The following PTPDC1 variants were observed in gnomAD, a reference collection of about 807,000 sequenced individuals.
The protein encoded by PTPDC1 is protein tyrosine phosphatase domain-containing protein 1.
A neutral mutation model predicts 75.3 loss-of-function variants in PTPDC1; 53 were observed. That is an observed-to-expected ratio of 0.70 (90% CI 0.56 to 0.88). The LOEUF is 0.88. Among genes scored for constraint, PTPDC1 ranks in the 40% least tolerant of loss-of-function variants. The probability of loss-of-function intolerance (pLI) is 0.00; values close to 1 mark genes in which losing one functional copy is unlikely to be tolerated. For missense variants in PTPDC1, 925 were observed against 998.6 expected, an observed-to-expected ratio of 0.93 and a Z score of 0.99; for synonymous variants, 349 against 366.2, an observed-to-expected ratio of 0.95 and a Z score of 0.54.
intron 1 of PTPDC1, among the ~76,000 whole-genome samples, chr9:94,046,198 G>T (rs1436075110): frequency 1.3e-5 from 2 of 152,092 alleles, no homozygotes; most frequent in Non-Finnish European, 2.9e-5. Flanking sequence ...TGTTCCATTG[G>T]TCTATATCTC....
chr9:94,072,284 G>T (rs1023031303), intron 2 of PTPDC1, among the ~76,000 whole-genome samples: 1 of 152,172 alleles, frequency 6.6e-6, no homozygotes, highest in Non-Finnish European at 1.5e-5. Context: ...GGGATTATAG[G>T]CATGAGCCAC....
In PTPDC1 at chr9:94,098,332, C is replaced by G. The variant is rs377342002; in HGVS notation, c.1766C>G (p.Pro589Arg). The G allele has an allele frequency of 7.4e-6, 12 of 1,614,076 alleles. No individual in the cohort carries two copies. Among genetic ancestry groups the G allele is most frequent in the Non-Finnish European group, 1.0e-5 (12 of 1,180,042 alleles). ...TGTAAAACTCATGGTGTTGGGAGCC[C>G]TGGCTCTGTCAGGCAGAACAGCAGG... ...CQCKTHGVGS[P>R]GSVRQNSRTP... is the part of the protein sequence containing the mutation. The change falls in exon 6 of 9, where the codon CCT becomes CGT. Residue 589 changes from proline to arginine, a missense_variant. Pro to Arg is a moderately radical substitution (Grantham distance 103, BLOSUM62 -2). Coordinates refer to ENST00000620992, the MANE Select transcript of PTPDC1 (RefSeq NM_001253829.2).
chr9:94,087,407 T>A (rs1007192241), intron 2 of PTPDC1, among the ~76,000 whole-genome samples: 4 of 152,182 alleles, frequency 2.6e-5, no homozygotes, highest in Admixed American at 2.0e-4. Flanking sequence ...ATTGAAATTT[T>A]AAAAATTAAC....
upstream of PTPDC1, among the ~76,000 whole-genome samples, chr9:94,080,851 ACC>A (rs1826853444): frequency 6.6e-6 from 1 of 152,214 alleles, no homozygotes; most frequent in Non-Finnish European, 1.5e-5. Context: ...TAATATCTCA[ACC>A]ATAATTTCCT....
At chr9:94,099,533 A>G (rs893113492) in intron 6 of PTPDC1, among the ~76,000 whole-genome samples, 2 of 152,240 alleles carry the variant, frequency 1.3e-5, no homozygotes, top group Admixed American at 6.5e-5. Flanking sequence ...GGAGCTTCAC[A>G]TTAACTTTTA....
At chr9:94,093,719 A>G (rs1282037271) in intron 4 of PTPDC1, among the ~76,000 whole-genome samples, 3 of 144,912 alleles carry the variant, frequency 2.1e-5, no homozygotes, top group Non-Finnish European at 3.0e-5. Flanking sequence ...TTTCAGGTAC[A>G]CCAATCAGAC....
intron 2 of PTPDC1, among the ~76,000 whole-genome samples, chr9:94,074,111 G>A (rs954456036): frequency 2.6e-5 from 4 of 152,178 alleles, no homozygotes; most frequent in African/African-American, 9.7e-5. Context: ...GGTATGACAA[G>A]TGATTTTCAA....
intron 1 of PTPDC1, among the ~76,000 whole-genome samples, chr9:94,044,447 C>A (rs1825524626): frequency 6.6e-6 from 1 of 152,198 alleles, no homozygotes; most frequent in African/African-American, 2.4e-5. Flanking sequence ...TCCTGATGCT[C>A]TTCCTCCCCC....
chr9:94,094,559 A>G (rs959798177), intron 4 of PTPDC1, among the ~76,000 whole-genome samples: 3 of 152,116 alleles, frequency 2.0e-5, no homozygotes, highest in Non-Finnish European at 4.4e-5. Context: ...CCAGAGGTGG[A>G]GCCTATAGAG....
chr9:94,048,454 T>G (rs562809631), intron 1 of PTPDC1, among the ~76,000 whole-genome samples: 1 of 152,164 alleles, frequency 6.6e-6, no homozygotes, highest in Non-Finnish European at 1.5e-5. Context: ...GCCTTCATTT[T>G]GTTATGTACC....
chr9:94,100,356 C>G (rs1412370906), intron 6 of PTPDC1: 1 of 152,196 alleles, frequency 6.6e-6, no homozygotes, highest in African/African-American at 2.4e-5. Flanking sequence ...TGATTAGTGT[C>G]AGTTCTGCCC....
At chr9:94,036,028 T>A (rs942015336) in intron 1 of PTPDC1, among the ~76,000 whole-genome samples, 1 of 143,738 alleles carries the variant, frequency 7.0e-6, no homozygotes, top group African/African-American at 2.7e-5. Context: ...TATTTGTTTT[T>A]TTTTTTGTTT....
At chr9:94,076,726 A>G (rs1413009406) in intron 2 of PTPDC1, among the ~76,000 whole-genome samples, 1 of 152,066 alleles carries the variant, frequency 6.6e-6, no homozygotes, top group Non-Finnish European at 1.5e-5. Context: ...TCATATGGTA[A>G]CTCTGTTTAA....
chr9:94,084,438 A>G, upstream of PTPDC1: 1 of 1,545,518 alleles, frequency 6.5e-7, no homozygotes, highest in Non-Finnish European at 8.7e-7. Flanking sequence ...TAGATCATAC[A>G]GAACGATGCA....
intron 2 of PTPDC1, among the ~76,000 whole-genome samples, chr9:94,073,063 A>G (rs1282055292): frequency 2.0e-5 from 3 of 151,858 alleles, no homozygotes; most frequent in African/African-American, 7.3e-5. Flanking sequence ...TCCTTCTTCT[A>G]TTTTCTGGAA....
At chr9:94,045,988 TA>T (rs1825587594) in intron 1 of PTPDC1, among the ~76,000 whole-genome samples, 1 of 152,234 alleles carries the variant, frequency 6.6e-6, no homozygotes, top group African/African-American at 2.4e-5. Context: ...GTCTAACATT[TA>T]AGTCTTTAAT....
At chr9:94,047,571 G>A (rs1825648062) in intron 1 of PTPDC1, among the ~76,000 whole-genome samples, 1 of 152,140 alleles carries the variant, frequency 6.6e-6, no homozygotes, top group African/African-American at 2.4e-5. Context: ...TAAGATCAGA[G>A]CAGAACTGAA....
Position 94,042,149 on chromosome 9 carries a change from T to G in PTPDC1, c.-7+11022T>G, listed in dbSNP as rs7034151. Among the ~76,000 whole-genome samples, 519 of 152,290 alleles carry G rather than the reference T, an allele frequency of 3.4e-3. 4 individuals are homozygous for G. Among genetic ancestry groups the G allele is most frequent in the African/African-American group, 0.012 (496 of 41,554 alleles). The stretch of plus-strand genomic sequence containing the variant: ...TCCTACCATTCACCATCCTTTTACT[T>G]ATTTTTTCAATTCCAGTATACATAT... On this transcript the variant is annotated intron_variant, in intron 1 of 9. Coordinates refer to the PTPDC1 transcript ENST00000375360.
At chr9:94,050,212 C>G (rs1343509201) in intron 1 of PTPDC1, among the ~76,000 whole-genome samples, 2 of 152,130 alleles carry the variant, frequency 1.3e-5, no homozygotes, top group Non-Finnish European at 2.9e-5. Flanking sequence ...CTTCTCTCAG[C>G]TCATCAAAGT....
Sources: gnomAD v4.1 joint callset for allele counts (sites outside exome capture counted in the v4.1 genomes callset) on GRCh38, gnomAD v4.1.1 for gene constraint, MANE v1.5 for transcripts, NCBI Gene and HGNC (gene_info 2026-07-23, HGNC 2026-07-21) for gene names.